The following HACL1 variants were observed in gnomAD, a reference collection of about 807,000 sequenced individuals.
The protein encoded by HACL1 is 1600020H07Rik.
A neutral mutation model predicts 74.2 loss-of-function variants in HACL1; 64 were observed. The ratio of observed to expected loss-of-function variants is 0.86; its 90% CI spans 0.70 to 1.06. The LOEUF is 1.06. Among genes scored for constraint, HACL1 ranks in the 50% least tolerant of loss-of-function variants. The probability of loss-of-function intolerance (pLI) is 0.00; values close to 1 mark genes in which losing one functional copy is unlikely to be tolerated. For synonymous variants in HACL1, 230 were observed against 238.8 expected (o/e 0.96, Z 0.34); for missense variants, 728 against 719.7 (o/e 1.01, Z -0.13).
chr3:15,600,548 T>G (rs1300557523), intron 2 of HACL1, among the ~76,000 whole-genome samples: 6 of 152,136 alleles, frequency 3.9e-5, no homozygotes, highest in African/African-American at 1.2e-4. Context: ...CAGGCTAGGA[T>G]CTGAGCCATC....
chr3:15,567,946 G>C lies in HACL1; in HGVS notation c.1307C>G (p.Ala436Gly), dbSNP rs2125231508. Residue 436 changes from alanine (A) to glycine (G), a missense_variant, in exon 14 of 17, where the codon GCT becomes GGT. By Grantham distance (60) the Ala-to-Gly change is moderately conservative. Coordinates refer to ENST00000321169, the MANE Select transcript of HACL1 (RefSeq NM_012260.4). ...GCTTCTATCTTTAGCCACCACGGCA[G>C]CTGCAATAGCAAATCCCAAACCAAC... ...MGVGLGFAIA[A>G]AVVAKDRSPG... The C allele has an allele frequency of 1.2e-6, 2 of 1,613,830 alleles. No homozygotes were observed. Among genetic ancestry groups the C allele is most frequent in the East Asian group, 2.2e-5 (1 of 44,886 alleles).
At chr3:15,589,992 G>A (rs1336354551) in intron 4 of HACL1, among the ~76,000 whole-genome samples, 1 of 151,958 alleles carries the variant, frequency 6.6e-6, no homozygotes, top group Non-Finnish European at 1.5e-5. Context: ...CCGAGATTGT[G>A]CCACTGCACC....
chr3:15,570,594 A>C (rs191328387), intron 12 of HACL1, among the ~76,000 whole-genome samples: 3,977 of 150,904 alleles, frequency 0.026, 66 homozygotes, highest in Non-Finnish European at 0.037. Context: ...ATAAAAAAAA[A>C]CCACCTTTCT....
chr3:15,569,620 G>A (rs1052666982), intron 12 of HACL1, among the ~76,000 whole-genome samples: 2 of 152,058 alleles, frequency 1.3e-5, no homozygotes, highest in Admixed American at 6.5e-5. Context: ...TCGGGAGTTC[G>A]AGACCAGCCT....
intron 8 of HACL1, among the ~76,000 whole-genome samples, chr3:15,581,319 A>C (rs766180179): frequency 6.6e-6 from 1 of 151,978 alleles, no homozygotes; most frequent in African/African-American, 2.4e-5. Context: ...CATCAAGACC[A>C]CTATTTTTTT....
chr3:15,595,604 C>CTTTTTTTTTTTT (rs764183329), intron 3 of HACL1, among the ~76,000 whole-genome samples: 2 of 97,324 alleles, frequency 2.1e-5, no homozygotes, highest in Admixed American at 1.3e-4. Context: ...ATCTTTTTTC[C>CTTTTTTTTTTTT]TTTTTTTTTT....
At chr3:15,584,386 G>A (rs940573046) in intron 7 of HACL1, among the ~76,000 whole-genome samples, 21 of 152,120 alleles carry the variant, frequency 1.4e-4, no homozygotes, top group Admixed American at 5.2e-4. Context: ...TCAGGAGTTC[G>A]AGACCAGCCT....
Position 15,589,404 on chromosome 3 carries a change from G to A in HACL1, c.381+136C>T, listed in dbSNP as rs148313517. The A allele has an allele frequency of 1.3e-4, 74 of 561,552 alleles. No homozygotes were observed. In the East Asian group the frequency reaches 1.8e-3, roughly 14 times the overall value. 34.8% of individuals were successfully genotyped at this position (561,552 alleles called of 1,614,324 possible). A position where few individuals can be genotyped will look rare whatever the true frequency, so the allele number is the denominator to read the frequency against. ...CCCAGCTGCTTGGGAGGCTGAGGTG[G>A]GAAGATTGCTTGAGGTCAGGAGGTC... is the stretch of plus-strand genomic sequence containing the variant. On this transcript the variant is annotated intron_variant, in intron 5 of 16. Coordinates refer to ENST00000321169, the MANE Select transcript of HACL1 (RefSeq NM_012260.4).
chr3:15,595,078 G>A (rs2064031942), intron 3 of HACL1, among the ~76,000 whole-genome samples: 1 of 151,968 alleles, frequency 6.6e-6, no homozygotes, highest in Admixed American at 6.6e-5. Flanking sequence ...ACTGAGCCGA[G>A]ATTGCACCAC....
intron 9 of HACL1, among the ~76,000 whole-genome samples, chr3:15,577,112 A>G (rs1447810241): frequency 6.6e-6 from 1 of 152,218 alleles, no homozygotes; most frequent in Non-Finnish European, 1.5e-5. Context: ...GTTACTGTAT[A>G]TAGTAATATA....
At chr3:15,575,135 C>A in intron 9 of HACL1, 53 bp from the exon 10 acceptor site, 3 of 919,724 alleles carry the variant, frequency 3.3e-6, no homozygotes, top group South Asian at 1.4e-5. Context: ...TTGAATTATT[C>A]GAAAATTCAT....
At chr3:15,566,758 G>T (rs1410580890) in intron 14 of HACL1, among the ~76,000 whole-genome samples, 1 of 145,206 alleles carries the variant, frequency 6.9e-6, no homozygotes, top group Non-Finnish European at 1.5e-5. Context: ...AGGAATTTCT[G>T]CCTAAAGGAT....
intron 7 of HACL1, 84 bp downstream of exon 7, chr3:15,585,164 T>G: frequency 1.4e-6 from 1 of 704,094 alleles, no homozygotes; most frequent in Non-Finnish European, 2.5e-6. Context: ...ACTTATAAAC[T>G]GCTGGGTAAA....
At chr3:15,582,233 G>A (rs939124885) in intron 8 of HACL1, among the ~76,000 whole-genome samples, 42 of 152,256 alleles carry the variant, frequency 2.8e-4, no homozygotes, top group African/African-American at 8.7e-4. Flanking sequence ...AACACCTCCA[G>A]AGAAAGCAAT....
At chr3:15,569,807 C>G (rs1388000020) in intron 12 of HACL1, among the ~76,000 whole-genome samples, 2 of 145,988 alleles carry the variant, frequency 1.4e-5, no homozygotes, top group African/African-American at 5.1e-5. Context: ...GCAACAAAAG[C>G]AAGACTCCAT....
intron 12 of HACL1, among the ~76,000 whole-genome samples, chr3:15,569,888 G>A (rs1574912430): frequency 6.6e-6 from 1 of 152,124 alleles, no homozygotes; most frequent in South Asian, 2.1e-4. Context: ...TACTCGGGAG[G>A]CTGAGGCAGG....
At chr3:15,568,735 A>G (rs1039114004) in intron 12 of HACL1, 149 bp from the exon 13 acceptor site, 19 of 590,788 alleles carry the variant, frequency 3.2e-5, no homozygotes, top group Non-Finnish European at 5.1e-5. Flanking sequence ...CACTCTGAGA[A>G]GTTGGCTGAC....
At chr3:15,566,528 T>C (rs1472120964) in intron 14 of HACL1, among the ~76,000 whole-genome samples, 1 of 152,138 alleles carries the variant, frequency 6.6e-6, no homozygotes, top group Non-Finnish European at 1.5e-5. Context: ...TGGTGGTGCA[T>C]GCCTGTGATC....
Position 15,587,524 on chromosome 3 carries a change from T to C in HACL1, c.382-922A>G, listed in dbSNP as rs372439879. ...CTTCCACAAAAACCAGATACTTGGA[T>C]TCTTTCTCTTCTGTTTTTAAATTTG... On this transcript the variant is annotated intron_variant, in intron 5 of 16. Coordinates refer to ENST00000321169, the MANE Select transcript of HACL1 (RefSeq NM_012260.4). 8.6e-5 allele frequency among the ~76,000 whole-genome samples: 13 copies of C among 151,404 alleles called. No homozygotes were observed. The South Asian group carries it at 2.7e-3, about 32-fold the overall frequency.
Sources: allele counts gnomAD v4.1 joint callset (sites outside exome capture counted in the v4.1 genomes callset), GRCh38; gene constraint gnomAD v4.1.1; transcripts MANE v1.5; gene names NCBI Gene and HGNC (gene_info 2026-07-23, HGNC 2026-07-21).